The following UGT2A1 variants were observed in gnomAD, a reference collection of about 807,000 sequenced individuals.
UGT2A1 encodes UDP glucuronosyltransferase family 2 member A1 complex locus.
UGT2A1 carries 61 observed loss-of-function variants against 45.4 expected under a neutral mutation model. The observed-to-expected ratio is 1.34, with a 90% confidence interval of 1.09 to 1.66. The LOEUF is 1.66. UGT2A1 is among the 40% of genes most tolerant of loss of function. UGT2A1 has a pLI of 0.00. For synonymous variants in UGT2A1, 229 were observed against 196.2 expected (o/e 1.17, Z -1.40); for missense variants, 649 against 574.3 (o/e 1.13, Z -1.33).
chr4:69,592,513 A>G (rs903948080), intron 6 of UGT2A1, among the ~76,000 whole-genome samples: 2 of 152,314 alleles, frequency 1.3e-5, no homozygotes, highest in Admixed American at 1.3e-4. Context: ...AGCAAGAGGA[A>G]GTGATAAGGA....
intron 3 of UGT2A1, among the ~76,000 whole-genome samples, chr4:69,626,969 G>A (rs1368364742): frequency 6.6e-6 from 1 of 151,508 alleles, no homozygotes; most frequent in East Asian, 1.9e-4. Flanking sequence ...TGTTTTCGCT[G>A]CCTCAAACTT....
chr4:69,625,053 T>A (rs1197197828), intron 3 of UGT2A1, among the ~76,000 whole-genome samples: 2 of 151,252 alleles, frequency 1.3e-5, no homozygotes, highest in Non-Finnish European at 3.0e-5. Flanking sequence ...GGTATTAAAT[T>A]TGCTGGGAAT....
chr4:69,593,387 C>T (rs1196824796), intron 6 of UGT2A1, among the ~76,000 whole-genome samples: 2 of 151,822 alleles, frequency 1.3e-5, no homozygotes, highest in Non-Finnish European at 2.9e-5. Flanking sequence ...AATAGAGATA[C>T]ATTTCAAAGC....
intron 2 of UGT2A1, among the ~76,000 whole-genome samples, chr4:69,645,624 C>T (rs1240393274): frequency 6.6e-6 from 1 of 151,190 alleles, no homozygotes; most frequent in Non-Finnish European, 1.5e-5. Context: ...TCTAGTCTCA[C>T]ACCTCTCAAC....
At chr4:69,594,175 C>T (rs1298702349) in intron 6 of UGT2A1, among the ~76,000 whole-genome samples, 1 of 151,768 alleles carries the variant, frequency 6.6e-6, no homozygotes, top group African/African-American at 2.4e-5. Flanking sequence ...AGGGTTTCAC[C>T]GTGTTAGCCA....
chr4:69,608,620 G>A (rs1358580697), intron 3 of UGT2A1, among the ~76,000 whole-genome samples: 1 of 151,738 alleles, frequency 6.6e-6, no homozygotes, highest in Non-Finnish European at 1.5e-5. Context: ...AGGGAAGAAG[G>A]AAGGAGGGAA....
At chr4:69,607,999 G>T (rs1719765579) in intron 3 of UGT2A1, among the ~76,000 whole-genome samples, 1 of 152,152 alleles carries the variant, frequency 6.6e-6, no homozygotes, top group Non-Finnish European at 1.5e-5. Flanking sequence ...AATCATTGTG[G>T]AAGTCAGTGT....
rs1719473395 is a variant in UGT2A1 at position 69,604,339 on chromosome 4, G to T, written c.848-4945C>A. On this transcript the variant is annotated intron_variant, in intron 3 of 6. Coordinates refer to ENST00000286604, the MANE Select transcript of UGT2A1 (RefSeq NM_001252275.3). ...ACTAAGCTTCATAAGAGGAGAAGGA[G>T]AAATAAAATACTTTAGAGACAAGCA... Among the ~76,000 whole-genome samples the T allele has an allele frequency of 2.2e-5, 3 of 135,706 alleles. 1 individual carries two copies. The highest frequency in any genetic ancestry group is 1.6e-5 in the Non-Finnish European group (1 of 64,044). The allele number at this position is 135,706 out of a possible 152,430, so 89.0% of individuals were successfully genotyped here. A position where few individuals can be genotyped will look rare whatever the true frequency, so the allele number is the denominator to read the frequency against.
chr4:69,612,969 C>A (rs1434589623), intron 3 of UGT2A1, among the ~76,000 whole-genome samples: 1 of 147,620 alleles, frequency 6.8e-6, no homozygotes, highest in East Asian at 2.0e-4. Context: ...AAAATATTTA[C>A]AAACTATTCA....
chr4:69,605,960 C>A lies in UGT2A1; in HGVS notation c.848-6566G>T, dbSNP rs545568061. On this transcript the variant is annotated intron_variant, in intron 3 of 6. Coordinates refer to ENST00000286604, the MANE Select transcript of UGT2A1 (RefSeq NM_001252275.3). Reference sequence around the variant, plus strand: ...CTTAGCAACCAAAAAAAGTCCAGGACCAGATGGATTCACAGCTGAATTCTA... The same window carrying A: ...CTTAGCAACCAAAAAAAGTCCAGGAACAGATGGATTCACAGCTGAATTCTA... Among the ~76,000 whole-genome samples the A allele has an allele frequency of 1.6e-4, 22 of 136,498 alleles. 3 individuals carry two copies. Among genetic ancestry groups the A allele is most frequent in the African/African-American group, 6.5e-4 (22 of 33,754 alleles). The allele number at this position is 136,498 out of a possible 152,430, so 89.5% of individuals were successfully genotyped here. A position where few individuals can be genotyped will look rare whatever the true frequency, so the allele number is the denominator to read the frequency against.
At chr4:69,603,558 C>G (rs11733907) in intron 3 of UGT2A1, 25,140 of 136,300 alleles carry the variant, frequency 0.18, 6,135 homozygotes, top group Non-Finnish European at 0.22. Context: ...CAGAACAAAA[C>G]TGGACGGAGA....
At position 69,644,359 on chromosome 4, in the gene UGT2A1, G is replaced by T. The variant is rs574712116; in HGVS notation, c.715+2571C>A. 2.6e-5 allele frequency among the ~76,000 whole-genome samples: 4 copies of T among 151,632 alleles called. No individual in the cohort carries two copies. In the South Asian group the frequency reaches 6.3e-4, roughly 24 times the overall value. On this transcript the variant is annotated intron_variant, in intron 2 of 6. Coordinates refer to ENST00000286604, the MANE Select transcript of UGT2A1 (RefSeq NM_001252275.3). ...AGAATTCCAAGGTTGATGATGAGCA[G>T]TTGACAAAACTGAAGTGGTAGGATT...
chr4:69,588,581 T>C lies in UGT2A1; in HGVS notation c.*791A>G, dbSNP rs2109867691. ...AAAAATTTTATAAAAATGATAATTA[T>C]TTTCTAGATTTCTAATTGTTATATC... On this transcript the variant is annotated 3_prime_UTR_variant, in exon 7 of 7. Coordinates refer to ENST00000286604, the MANE Select transcript of UGT2A1 (RefSeq NM_001252275.3). 1 of 152,104 alleles carries C rather than the reference T, an allele frequency of 6.6e-6. No individual in the cohort carries two copies. Among genetic ancestry groups the C allele is most frequent in the East Asian group, 1.9e-4 (1 of 5,188 alleles). 9.4% of individuals were successfully genotyped at this position (152,104 alleles called of 1,614,324 possible). A position where few individuals can be genotyped will look rare whatever the true frequency, so the allele number is the denominator to read the frequency against.
chr4:69,590,130 ATAAT>A (rs1718503838), intron 6 of UGT2A1, among the ~76,000 whole-genome samples: 1 of 152,220 alleles, frequency 6.6e-6, no homozygotes, highest in African/African-American at 2.4e-5. Context: ...AGGCATTGTG[ATAAT>A]TACTCTGTGG....
intron 1 of UGT2A1, among the ~76,000 whole-genome samples, chr4:69,650,234 CACT>C (rs1448100978): frequency 2.0e-5 from 3 of 152,028 alleles, no homozygotes; most frequent in Non-Finnish European, 4.4e-5. Context: ...TGGGCTGCTT[CACT>C]ATGTGTTTAT....
intron 6 of UGT2A1, among the ~76,000 whole-genome samples, chr4:69,591,813 T>C (rs954702008): frequency 6.6e-6 from 1 of 152,148 alleles, no homozygotes; most frequent in African/African-American, 2.4e-5. Context: ...TGATAATTAA[T>C]AAAATGAACA....
intron 4 of UGT2A1, chr4:69,596,308 T>G (rs1302380884): frequency 6.2e-7 from 1 of 1,607,980 alleles, no homozygotes; most frequent in East Asian, 2.2e-5. Context: ...TTCTGTAAGG[T>G]TTTTGACCAT....
In UGT2A1 at chr4:69,613,775, C is replaced by G. The variant is rs553257995; in HGVS notation, c.848-14381G>C. On this transcript the variant is annotated intron_variant, in intron 3 of 6. Transcript: ENST00000286604. ...GAAAAATATTTGAGAACATTAACAT[C>G]TCTTCATGATTAAAAACTCTCAAAA... 3.9e-5 allele frequency among the ~76,000 whole-genome samples: 6 copies of G among 152,052 alleles called. No individual in the cohort carries two copies. The South Asian group carries it at 1.2e-3, about 31-fold the overall frequency.
At chr4:69,651,865 C>T (rs981352968) in intron 1 of UGT2A1, among the ~76,000 whole-genome samples, 1 of 152,142 alleles carries the variant, frequency 6.6e-6, no homozygotes, top group African/African-American at 2.4e-5. Flanking sequence ...ATGCTCATTT[C>T]CCAAGGGTAA....
Sources: allele counts gnomAD v4.1 joint callset (sites outside exome capture counted in the v4.1 genomes callset), GRCh38; gene constraint gnomAD v4.1.1; transcripts MANE v1.5; gene names NCBI Gene and HGNC (gene_info 2026-07-23, HGNC 2026-07-21).